The following KCNK2 variants were observed in gnomAD, a reference collection of about 807,000 sequenced individuals.
The protein encoded by KCNK2 is potassium channel subfamily K member 2.
A neutral mutation model predicts 40.5 loss-of-function variants in KCNK2; 21 were observed. That is an observed-to-expected ratio of 0.52 (90% CI 0.37 to 0.75). The LOEUF (loss-of-function observed/expected upper bound fraction) is 0.75, where lower values mean the gene tolerates loss of function less well. Ranked by LOEUF, KCNK2 falls within the 30% of genes least tolerant of loss-of-function variation. The pLI is 0.00. For synonymous variants in KCNK2, 191 were observed against 202.2 expected (o/e 0.94, Z 0.47); for missense variants, 399 against 531.6 (o/e 0.75, Z 2.45).
At chr1:215,229,547 C>T (rs1666531110) in intron 6 of KCNK2, among the ~76,000 whole-genome samples, 1 of 151,836 alleles carries the variant, frequency 6.6e-6, no homozygotes, top group African/African-American at 2.4e-5. Flanking sequence ...CACCATAGTC[C>T]AAGCTACTTG....
chr1:215,186,638 G>C (rs1432048700), intron 5 of KCNK2, among the ~76,000 whole-genome samples: 1 of 152,234 alleles, frequency 6.6e-6, no homozygotes, highest in East Asian at 1.9e-4. Context: ...ACTGAATATA[G>C]GAATTCAGCA....
intron 6 of KCNK2, among the ~76,000 whole-genome samples, chr1:215,229,322 G>A (rs911930874): frequency 2.0e-5 from 3 of 151,558 alleles, no homozygotes; most frequent in African/African-American, 7.3e-5. Flanking sequence ...TTGGGTTTGG[G>A]CAGTTATATT....
At position 215,046,945 on chromosome 1, in the gene KCNK2, C is replaced by T. The variant is rs76241488; in HGVS notation, c.35-39423C>T. On this transcript the variant is annotated intron_variant, in intron 1 of 6. Transcript: ENST00000391895. ...GATGACTTTATATATCTCTTGTTTC[C>T]GGGGTTAAAAATATCTCTATAGTGA... is the stretch of plus-strand genomic sequence containing the variant. Among the ~76,000 whole-genome samples, 211 of 151,942 alleles carry T rather than the reference C, an allele frequency of 1.4e-3. 5 individuals carry two copies. The East Asian group carries it at 0.03, about 22-fold the overall frequency.
chr1:215,137,727 G>A (rs1230278482), intron 3 of KCNK2, among the ~76,000 whole-genome samples: 2 of 152,104 alleles, frequency 1.3e-5, no homozygotes, highest in East Asian at 3.9e-4. Context: ...CTATCTCACA[G>A]GGTTTTGTGA....
intron 3 of KCNK2, among the ~76,000 whole-genome samples, chr1:215,142,279 A>G (rs759102869): frequency 7.2e-5 from 11 of 152,076 alleles, no homozygotes; most frequent in Non-Finnish European, 1.6e-4. Context: ...GTCCTGCAGT[A>G]TACTATTTTT....
intron 2 of KCNK2, among the ~76,000 whole-genome samples, chr1:215,109,138 G>A (rs573332651): frequency 7.1e-6 from 1 of 141,532 alleles, no homozygotes; most frequent in Admixed American, 6.8e-5. Context: ...CATAGAATGT[G>A]TAATGATTAA....
intron 5 of KCNK2, among the ~76,000 whole-genome samples, chr1:215,173,105 G>A (rs1663793637): frequency 6.6e-6 from 1 of 152,078 alleles, no homozygotes. Flanking sequence ...ATCTCCTAAT[G>A]CTATCCCTCC....
At chr1:215,215,157 C>T (rs1487832518) in intron 6 of KCNK2, among the ~76,000 whole-genome samples, 2 of 151,014 alleles carry the variant, frequency 1.3e-5, no homozygotes, top group African/African-American at 4.9e-5. Context: ...TCTCACTAAG[C>T]ATTGATTTAA....
chr1:215,093,999 CG>C lies in KCNK2; in HGVS notation c.357+7323del, dbSNP rs1659870226. ...ATATTGTATATGGTTGGTGCAAATG[CG>C]GTTTTTGTCATTACTTTCAATGGCC... On this transcript the variant is annotated intron_variant, in intron 2 of 6. Transcript: ENST00000444842. 2.2e-5 allele frequency among the ~76,000 whole-genome samples: 3 copies of C among 137,382 alleles called. No individual in the cohort carries two copies. In the South Asian group the frequency reaches 6.5e-4, roughly 30 times the overall value. The allele number at this position is 137,382 out of a possible 152,430, so 90.1% of individuals were successfully genotyped here. A position where few individuals can be genotyped will look rare whatever the true frequency, so the allele number is the denominator to read the frequency against.
At chr1:215,152,720 G>A (rs1238603268) in intron 3 of KCNK2, among the ~76,000 whole-genome samples, 1 of 152,082 alleles carries the variant, frequency 6.6e-6, no homozygotes, top group African/African-American at 2.4e-5. Context: ...TTGTTTCTAT[G>A]TATAGCTTAG....
chr1:215,073,124 G>C (rs1658812998), intron 1 of KCNK2, among the ~76,000 whole-genome samples: 1 of 152,094 alleles, frequency 6.6e-6, no homozygotes, highest in African/African-American at 2.4e-5. Flanking sequence ...CTGGAGCGCT[G>C]CGTCTACAAG....
chr1:215,142,280 T>C (rs989603522), intron 3 of KCNK2, among the ~76,000 whole-genome samples: 13 of 152,174 alleles, frequency 8.5e-5, no homozygotes, highest in African/African-American at 1.9e-4. Context: ...TCCTGCAGTA[T>C]ACTATTTTTG....
At chr1:215,175,295 C>T (rs773640974) in intron 5 of KCNK2, among the ~76,000 whole-genome samples, 21 of 152,064 alleles carry the variant, frequency 1.4e-4, no homozygotes, top group Non-Finnish European at 2.2e-4. Context: ...CAGCCCATAA[C>T]AGTGGCAAAG....
chr1:215,047,605 A>G (rs1261152380), intron 1 of KCNK2, among the ~76,000 whole-genome samples: 3 of 152,260 alleles, frequency 2.0e-5, no homozygotes, highest in African/African-American at 2.4e-5. Flanking sequence ...CAATGTAAGC[A>G]ATGGTATTGA....
intron 3 of KCNK2, among the ~76,000 whole-genome samples, chr1:215,156,724 G>A (rs568421598): frequency 3.3e-5 from 5 of 152,136 alleles, no homozygotes; most frequent in African/African-American, 4.8e-5. Flanking sequence ...CAGTCATGGC[G>A]GAGGTGAAGG....
intron 1 of KCNK2, among the ~76,000 whole-genome samples, chr1:215,012,656 T>C (rs1274762690): frequency 6.6e-6 from 1 of 150,776 alleles, no homozygotes; most frequent in Non-Finnish European, 1.5e-5. Context: ...GTTTTTTTTT[T>C]TTTTTTTTCT....
chr1:215,136,653 G>A (rs887132811), intron 3 of KCNK2, among the ~76,000 whole-genome samples: 1 of 152,138 alleles, frequency 6.6e-6, no homozygotes, highest in Admixed American at 6.6e-5. Flanking sequence ...AGAGACCTTT[G>A]CAGGTGGTGT....
chr1:215,061,434 G>A (rs1658357456), intron 1 of KCNK2, among the ~76,000 whole-genome samples: 2 of 151,942 alleles, frequency 1.3e-5, no homozygotes, highest in African/African-American at 4.8e-5. Context: ...CTCTTAAAGG[G>A]ACTTTGGTTT....
At chr1:215,108,210 C>A (rs1055901760) in intron 2 of KCNK2, among the ~76,000 whole-genome samples, 7 of 152,112 alleles carry the variant, frequency 4.6e-5, no homozygotes, top group Non-Finnish European at 1.0e-4. Flanking sequence ...TACTGTGCAG[C>A]CTGGTTCTTA....
Sources: gnomAD v4.1 joint callset for allele counts (sites outside exome capture counted in the v4.1 genomes callset) on GRCh38, gnomAD v4.1.1 for gene constraint, MANE v1.5 for transcripts, NCBI Gene and HGNC (gene_info 2026-07-23, HGNC 2026-07-21) for gene names.